Variants in GPR89B observed in about 807,000 individuals in gnomAD.
GPR89B encodes the protein golgi pH regulator B, also known as G protein-coupled receptor 89B.
GPR89B carries 25 observed loss-of-function variants against 52.4 expected under a neutral mutation model. The observed-to-expected ratio is 0.48, with a 90% CI of 0.35 to 0.67. GPR89B has a LOEUF of 0.67. GPR89B is among the 30% of genes least tolerant of loss of function. The pLI is 0.01. For synonymous variants in GPR89B, 52 were observed against 151.2 expected, an observed-to-expected ratio of 0.34 and a Z score of 4.81; for missense variants, 146 against 450.2, an observed-to-expected ratio of 0.32 and a Z score of 6.11.
At chr1:147,969,012 A>G in intron 9 of GPR89B, 49 bp downstream of exon 9, 1 of 1,469,166 alleles carries the variant, frequency 6.8e-7, no homozygotes, top group Non-Finnish European at 9.3e-7. Context: ...ATTATTAAAG[A>G]GAGAACAAGA....
chr1:147,969,687 T>A, intron 9 of GPR89B, 180 bp from the exon 10 acceptor site: 1 of 613,714 alleles, frequency 1.6e-6, no homozygotes, highest in East Asian at 2.8e-5. Flanking sequence ...TATCCCAGTC[T>A]CTAGCTAAAA....
intron 5 of GPR89B, among the ~76,000 whole-genome samples, chr1:147,948,503 A>C (rs1365448587): frequency 5.3e-5 from 8 of 151,474 alleles, no homozygotes; most frequent in Non-Finnish European, 8.8e-5. Context: ...TCAGGAGCTT[A>C]GGGAAAAGGT....
At chr1:148,017,406 G>T in the GPR89B span, among the ~76,000 whole-genome samples, 1 of 151,458 alleles carries the variant, frequency 6.6e-6, no homozygotes, top group African/African-American at 2.4e-5. Context: ...GGAGTAAAGA[G>T]GATGAAATGG....
chr1:147,996,680 G>A, downstream of GPR89B: 1 of 1,610,226 alleles, frequency 6.2e-7, no homozygotes, highest in Non-Finnish European at 8.5e-7. Flanking sequence ...AGTAGGAGCT[G>A]GAGCCTCCTT....
At chr1:147,951,975 A>C (rs180913225) in intron 5 of GPR89B, among the ~76,000 whole-genome samples, 30 of 152,196 alleles carry the variant, frequency 2.0e-4, no homozygotes, top group Non-Finnish European at 3.1e-4. Context: ...GAATTTTGCA[A>C]CCAGGAGAAA....
chr1:147,994,070 T>C, downstream of GPR89B: 20 of 1,004,092 alleles, frequency 2.0e-5, no homozygotes, highest in South Asian at 3.3e-4. Context: ...ATGAAAAAAA[T>C]CTAGCTCTTG....
chr1:147,989,250 A>C (rs1232686097), intron 12 of GPR89B, among the ~76,000 whole-genome samples: 3 of 151,714 alleles, frequency 2.0e-5, no homozygotes, highest in African/African-American at 7.3e-5. Flanking sequence ...AAGTTCTTGG[A>C]AACAGCAGCT....
intron 7 of GPR89B, among the ~76,000 whole-genome samples, chr1:147,954,616 G>A (rs1174501226): frequency 2.0e-5 from 3 of 152,028 alleles, no homozygotes; most frequent in African/African-American, 4.8e-5. Flanking sequence ...CCAGAAGTTC[G>A]AGACTAGCCT....
At chr1:147,963,256 A>G (rs2149070634) in intron 7 of GPR89B, among the ~76,000 whole-genome samples, 1 of 151,164 alleles carries the variant, frequency 6.6e-6, no homozygotes, top group African/African-American at 2.4e-5. Context: ...GGCACCTGTA[A>G]TCCCAACTAC....
chr1:147,934,101 T>C (rs1653882933), intron 1 of GPR89B, among the ~76,000 whole-genome samples: 1 of 151,176 alleles, frequency 6.6e-6, no homozygotes, highest in Non-Finnish European at 1.5e-5. Context: ...GCGCCTTTAC[T>C]CATGCCCTTT....
the GPR89B span, among the ~76,000 whole-genome samples, chr1:148,022,991 T>C: frequency 1.3e-5 from 2 of 152,080 alleles, no homozygotes; most frequent in Admixed American, 1.3e-4. Context: ...TTTTTTGTTG[T>C]GTACCAAGGG....
At chr1:148,019,662 G>A in the GPR89B span, among the ~76,000 whole-genome samples, 1 of 152,028 alleles carries the variant, frequency 6.6e-6, no homozygotes, top group African/African-American at 2.4e-5. Flanking sequence ...TCTATACCAC[G>A]CTCATTAGAA....
chr1:147,978,414 A>G (rs1657996500), intron 10 of GPR89B, among the ~76,000 whole-genome samples: 1 of 151,820 alleles, frequency 6.6e-6, no homozygotes, highest in African/African-American at 2.4e-5. Context: ...ACGTTCCTGT[A>G]TAAGATGTCT....
At chr1:147,981,108 C>G (rs1255786868) in intron 10 of GPR89B, among the ~76,000 whole-genome samples, 5 of 151,126 alleles carry the variant, frequency 3.3e-5, no homozygotes, top group Admixed American at 3.3e-4. Context: ...ATTGCCCAGG[C>G]TGAGCCACTG....
the GPR89B span, among the ~76,000 whole-genome samples, chr1:148,008,399 T>C: frequency 3.3e-5 from 5 of 152,090 alleles, no homozygotes; most frequent in Non-Finnish European, 5.9e-5. Context: ...CCACTGTGTT[T>C]AATAACTGAC....
chr1:147,932,592 T>G lies in GPR89B; in HGVS notation c.42+4014T>G, dbSNP rs116759874. Reference sequence around the variant, plus strand: ...CTTTTCTAACTCACCTCTCTTACTCTTAGCAGATAACCATGCCTCGTACTT... The same window carrying G: ...CTTTTCTAACTCACCTCTCTTACTCGTAGCAGATAACCATGCCTCGTACTT... On this transcript the variant is annotated intron_variant, in intron 1 of 13. Coordinates refer to ENST00000314163, the MANE Select transcript of GPR89B (RefSeq NM_016334.5). Among the ~76,000 whole-genome samples, 645 of 152,282 alleles carry G rather than the reference T, an allele frequency of 4.2e-3. 4 individuals are homozygous for G. The highest frequency in any genetic ancestry group is 0.015 in the African/African-American group (607 of 41,564).
intron 1 of GPR89B, among the ~76,000 whole-genome samples, chr1:147,934,634 C>G (rs1193932477): frequency 6.6e-6 from 1 of 152,276 alleles, no homozygotes; most frequent in South Asian, 2.1e-4. Context: ...TCCTTCGGCT[C>G]GGGCATTATC....
At chr1:148,009,390 A>G in the GPR89B span, 2 of 1,612,032 alleles carry the variant, frequency 1.2e-6, no homozygotes, top group Non-Finnish European at 1.7e-6. Flanking sequence ...CTCCTTCACG[A>G]GATAGCAGAG....
chr1:148,010,300 T>A, the GPR89B span: 2 of 152,258 alleles, frequency 1.3e-5, no homozygotes, highest in African/African-American at 4.8e-5. Context: ...AAGACAGTCA[T>A]TTTGATCCTT....
Sources: allele counts gnomAD v4.1 joint callset (sites outside exome capture counted in the v4.1 genomes callset), GRCh38; gene constraint gnomAD v4.1.1; transcripts MANE v1.5; gene names NCBI Gene and HGNC (gene_info 2026-07-23, HGNC 2026-07-21).